Variants in NCOA3 observed in about 807,000 individuals in gnomAD.
NCOA3 encodes CBP-interacting protein.
In NCOA3, 51 loss-of-function variants were observed where a neutral mutation model predicts 158.8. That is an observed-to-expected ratio of 0.32 (90% confidence interval 0.26 to 0.41). NCOA3 has a LOEUF of 0.41. Among genes scored for constraint, NCOA3 ranks in the 10% least tolerant of loss-of-function variants. NCOA3 has a pLI of 1.00. For synonymous variants in NCOA3, 537 were observed against 592.4 expected (o/e 0.91, Z 1.36); for missense variants, 1,510 against 1,746.6 (o/e 0.86, Z 2.41).
chr20:47,610,179 C>A (rs931728343), intron 2 of NCOA3, among the ~76,000 whole-genome samples: 1 of 152,010 alleles, frequency 6.6e-6, no homozygotes, highest in Non-Finnish European at 1.5e-5. Context: ...TTTGAAAAGA[C>A]AAATTCTATT....
At chr20:47,626,062 A>T (rs2086317214) in intron 5 of NCOA3, among the ~76,000 whole-genome samples, 1 of 152,266 alleles carries the variant, frequency 6.6e-6, no homozygotes, top group Non-Finnish European at 1.5e-5. Flanking sequence ...TTACACAGAT[A>T]CTGGGGTATG....
At chr20:47,578,791 T>C (rs774527923) in intron 1 of NCOA3, among the ~76,000 whole-genome samples, 1 of 152,164 alleles carries the variant, frequency 6.6e-6, no homozygotes, top group Admixed American at 6.5e-5. Context: ...TGGCTCCCCT[T>C]TTCTGTGATT....
intron 20 of NCOA3, among the ~76,000 whole-genome samples, chr20:47,651,945 C>T (rs6094764): frequency 0.048 from 7,221 of 151,982 alleles, 624 homozygotes; most frequent in African/African-American, 0.17. Context: ...GGATTACAGG[C>T]GTGAGTCACC....
At chr20:47,614,109 C>G (rs72645232) in intron 2 of NCOA3, among the ~76,000 whole-genome samples, 3 of 151,946 alleles carry the variant, frequency 2.0e-5, no homozygotes, top group Non-Finnish European at 4.4e-5. Context: ...CCTTTACACA[C>G]GTTATATTTG....
chr20:47,548,267 G>A (rs1602384758), intron 1 of NCOA3, among the ~76,000 whole-genome samples: 2 of 151,856 alleles, frequency 1.3e-5, no homozygotes, highest in Admixed American at 6.6e-5. Flanking sequence ...TCTAGGCCAG[G>A]TGCGGTGGCC....
At chr20:47,623,793 G>GGA (rs1346468621) in intron 3 of NCOA3, 118 bp from the exon 4 acceptor site, 957 of 803,016 alleles carry the variant, frequency 1.2e-3, no homozygotes, top group Non-Finnish European at 1.5e-3. Context: ...CTGTCTCGAG[G>GGA]AAAAAAAAAA....
Position 47,637,852 on chromosome 20 carries a change from T to C in NCOA3, c.2512+69T>C, listed in dbSNP as rs143150762. The C allele has an allele frequency of 9.1e-3, 12,512 of 1,370,270 alleles. 75 individuals carry two copies. Among genetic ancestry groups the C allele is most frequent in the Middle Eastern group, 0.016 (84 of 5,322 alleles). 84.9% of individuals were successfully genotyped at this position (1,370,270 alleles called of 1,614,324 possible). ...CTTTTCTGCATACCTGTAAACACTC[T>C]TACACTAAGACCAGGATATAAATAG... On this transcript the variant is annotated intron_variant, in intron 13 of 22. Coordinates refer to ENST00000371998, the MANE Select transcript of NCOA3 (RefSeq NM_181659.3).
intron 2 of NCOA3, among the ~76,000 whole-genome samples, chr20:47,611,886 C>T (rs191925307): frequency 6.6e-5 from 10 of 152,236 alleles, no homozygotes; most frequent in East Asian, 1.9e-4. Context: ...TGCAGTGGCG[C>T]GAACCTTAGC....
At chr20:47,533,600 G>A (rs2084585616) in intron 1 of NCOA3, among the ~76,000 whole-genome samples, 1 of 152,152 alleles carries the variant, frequency 6.6e-6, no homozygotes, top group Non-Finnish European at 1.5e-5. Context: ...CAGCAGTCAT[G>A]TGAAGAGTAG....
chr20:47,640,888 T>TA (rs3092259), intron 16 of NCOA3, among the ~76,000 whole-genome samples: 10,748 of 142,752 alleles, frequency 0.075, 433 homozygotes, highest in Middle Eastern at 0.1. Flanking sequence ...ACTCCGTCTC[T>TA]AAAAAAAAAA....
intron 2 of NCOA3, among the ~76,000 whole-genome samples, chr20:47,594,519 G>A (rs1333664599): frequency 6.6e-6 from 1 of 151,598 alleles, no homozygotes; most frequent in Non-Finnish European, 1.5e-5. Context: ...AAAACAATTA[G>A]CCTGGCGTGT....
chr20:47,636,154 A>C lies in NCOA3; in HGVS notation c.1768A>C (p.Arg590=), dbSNP rs775211179. Reference sequence around the variant, plus strand: ...GAGTTCAATGTGTCAGTCAAATAGCAGAGATCACCTCAGTGACAAAGAAAG... The same window carrying C: ...GAGTTCAATGTGTCAGTCAAATAGCCGAGATCACCTCAGTGACAAAGAAAG... ...VESSMCQSNS[R]DHLSDKESKE... is the part of the protein sequence containing the mutation. Residue 590 remains arginine (R), a synonymous_variant, in exon 12 of 23, where the codon AGA becomes CGA. Transcript: ENST00000371998. The C allele has an allele frequency of 6.2e-7, 1 of 1,614,244 alleles. No individual in the cohort carries two copies. The highest frequency in any genetic ancestry group is 8.5e-7 in the Non-Finnish European group (1 of 1,180,034).
chr20:47,558,890 C>T (rs955196774), intron 1 of NCOA3, among the ~76,000 whole-genome samples: 1 of 138,266 alleles, frequency 7.2e-6, no homozygotes, highest in Admixed American at 7.9e-5. Context: ...TGTTTTAAAT[C>T]CTCTGAAGTT....
At position 47,653,617 on chromosome 20, in the gene NCOA3, C is replaced by G. The variant is rs541654693; in HGVS notation, c.*200C>G. Reference sequence around the variant, plus strand: ...GGCAATATCTACGTGTTTTTCCCCCCTCCTTCTGCTGTGTATCATGGTGTT... The same window carrying G: ...GGCAATATCTACGTGTTTTTCCCCCGTCCTTCTGCTGTGTATCATGGTGTT... On this transcript the variant is annotated 3_prime_UTR_variant, in exon 23 of 23. Transcript: ENST00000371998. 5.5e-5 allele frequency: 36 copies of G among 650,082 alleles called. No homozygotes were observed. The highest frequency in any genetic ancestry group is 9.5e-5 in the Non-Finnish European group (35 of 370,262). The allele number at this position is 650,082 out of a possible 1,614,324, so 40.3% of individuals were successfully genotyped here.
chr20:47,642,005 G>A (rs1406438343), intron 16 of NCOA3, among the ~76,000 whole-genome samples: 1 of 152,076 alleles, frequency 6.6e-6, no homozygotes, highest in Non-Finnish European at 1.5e-5. Context: ...GCTGTATATG[G>A]TGGTCTAAAG....
intron 4 of NCOA3, among the ~76,000 whole-genome samples, chr20:47,624,789 T>C (rs574541786): frequency 5.1e-4 from 78 of 152,308 alleles, no homozygotes; most frequent in Admixed American, 5.0e-3. Context: ...TTTATTTATT[T>C]TGAGATGGTG....
In NCOA3 at chr20:47,515,584, A is replaced by G. The variant is rs189666808; in HGVS notation, c.-99+13565A>G. Reference sequence around the variant, plus strand: ...TCACTGCAGTCTGCCTTCTGGGTTTAAGCGATTCTTATGCCTCAGCGTACT... The same window carrying G: ...TCACTGCAGTCTGCCTTCTGGGTTTGAGCGATTCTTATGCCTCAGCGTACT... On this transcript the variant is annotated intron_variant, in intron 1 of 22. Transcript: ENST00000371998. Among the ~76,000 whole-genome samples the G allele has an allele frequency of 2.0e-5, 3 of 147,390 alleles. No homozygotes were observed. In the Admixed American group the frequency reaches 2.1e-4, roughly 10 times the overall value.
chr20:47,522,861 G>A (rs1041031398), intron 1 of NCOA3, among the ~76,000 whole-genome samples: 2 of 151,334 alleles, frequency 1.3e-5, no homozygotes. Context: ...TAAGAGCTGA[G>A]GCTTTACGAG....
At chr20:47,531,466 GA>G (rs2084546331) in intron 1 of NCOA3, among the ~76,000 whole-genome samples, 1 of 152,198 alleles carries the variant, frequency 6.6e-6, no homozygotes, top group Admixed American at 6.5e-5. Flanking sequence ...ATGTATTACA[GA>G]TATCTTTCTG....
Sources: gnomAD v4.1 joint callset for allele counts (sites outside exome capture counted in the v4.1 genomes callset) on GRCh38, gnomAD v4.1.1 for gene constraint, MANE v1.5 for transcripts, NCBI Gene and HGNC (gene_info 2026-07-23, HGNC 2026-07-21) for gene names.